NDUFAF7: variants seen among roughly 807,000 people sequenced by gnomAD.
NDUFAF7 encodes the protein NADH:ubiquinone oxidoreductase complex assembly factor 7.
In NDUFAF7, 48 loss-of-function variants were observed where a neutral mutation model predicts 47.2. The observed-to-expected ratio is 1.02, with a 90% confidence interval of 0.81 to 1.29. The LOEUF (loss-of-function observed/expected upper bound fraction) is 1.29, where lower values mean the gene tolerates loss of function less well. NDUFAF7 is among the 50% of genes most tolerant of loss of function. The probability of loss-of-function intolerance (pLI) is 0.00; values close to 1 mark genes in which losing one functional copy is unlikely to be tolerated. For missense variants in NDUFAF7, 635 were observed against 537.6 expected, an observed-to-expected ratio of 1.18 and a Z score of -1.79; for synonymous variants, 217 against 190.0, an observed-to-expected ratio of 1.14 and a Z score of -1.17.
intron 3 of NDUFAF7, 61 bp downstream of exon 3, chr2:37,236,237 G>T: frequency 7.4e-7 from 1 of 1,354,122 alleles, no homozygotes; most frequent in East Asian, 2.3e-5. Context: ...AGATCAAATT[G>T]TATTATTCTG....
downstream of NDUFAF7, chr2:37,254,117 G>A (rs926822716): frequency 1.1e-6 from 1 of 937,990 alleles, no homozygotes; most frequent in Non-Finnish European, 1.7e-6. Context: ...TTATTCTGCT[G>A]ATCTTAGAGT....
chr2:37,233,347 GGGCC>G (rs1354932456), intron 2 of NDUFAF7, among the ~76,000 whole-genome samples: 1 of 152,226 alleles, frequency 6.6e-6, no homozygotes, highest in African/African-American at 2.4e-5. Flanking sequence ...CTGGCGTTCA[GGGCC>G]GGACGTGGCG....
downstream of NDUFAF7, among the ~76,000 whole-genome samples, chr2:37,254,882 G>A (rs546702370): frequency 6.6e-6 from 1 of 152,294 alleles, no homozygotes; most frequent in Admixed American, 6.5e-5. Context: ...GTGTTTTAGT[G>A]TACATGGTGA....
chr2:37,251,422 T>C (rs1667482068), downstream of NDUFAF7: 1 of 152,568 alleles, frequency 6.6e-6, no homozygotes, highest in Admixed American at 6.6e-5. Context: ...AGTTTTCTTA[T>C]CTTTAAGATG....
chr2:37,233,187 G>C (rs905172419), intron 2 of NDUFAF7, among the ~76,000 whole-genome samples: 2 of 152,206 alleles, frequency 1.3e-5, no homozygotes, highest in Non-Finnish European at 2.9e-5. Context: ...GTTGGGTGAT[G>C]ATGGTACCTT....
chr2:37,259,838 T>C, the NDUFAF7 span, among the ~76,000 whole-genome samples: 1 of 152,318 alleles, frequency 6.6e-6, no homozygotes, highest in Non-Finnish European at 1.5e-5. Context: ...ATTCCCACAA[T>C]CACCCAACAT....
chr2:37,258,365 TTTG>T (rs1471098097), downstream of NDUFAF7, among the ~76,000 whole-genome samples: 1 of 152,218 alleles, frequency 6.6e-6, no homozygotes, highest in East Asian at 1.9e-4. Flanking sequence ...AAACTCTTTT[TTTG>T]TTGTTAAATG....
downstream of NDUFAF7, chr2:37,253,158 AT>A: frequency 2.5e-6 from 4 of 1,574,936 alleles, no homozygotes; most frequent in South Asian, 4.6e-5. Context: ...ATCCTTCCTT[AT>A]TTAGGTTAGC....
At chr2:37,262,640 G>A in the NDUFAF7 span, among the ~76,000 whole-genome samples, 4 of 151,946 alleles carry the variant, frequency 2.6e-5, no homozygotes, top group South Asian at 2.1e-4. Flanking sequence ...GTTGAAATGT[G>A]ACTGTTTTGC....
chr2:37,249,929 G>T (rs1374121035), downstream of NDUFAF7, among the ~76,000 whole-genome samples: 3 of 151,692 alleles, frequency 2.0e-5, no homozygotes, highest in Non-Finnish European at 2.9e-5. Flanking sequence ...GCTTCTGCTT[G>T]ACAGGAGTAG....
At chr2:37,250,353 A>G (rs894632490), downstream of NDUFAF7, 8 of 152,146 alleles carry the variant, frequency 5.3e-5, no homozygotes, top group African/African-American at 1.4e-4. Context: ...GAGTCAGGCA[A>G]TGCCTTATAT....
At chr2:37,269,380 G>C in the NDUFAF7 span, 1 of 509,064 alleles carries the variant, frequency 2.0e-6, no homozygotes, top group South Asian at 2.3e-5. Context: ...GCTACAAGAA[G>C]AGATAAAACA....
downstream of NDUFAF7, chr2:37,253,184 T>A: frequency 6.2e-7 from 1 of 1,600,226 alleles, no homozygotes; most frequent in Non-Finnish European, 8.5e-7. Context: ...TGATTAAGGA[T>A]CTTCTTCCAT....
At chr2:37,254,969 C>G (rs1377982346), downstream of NDUFAF7, among the ~76,000 whole-genome samples, 3 of 152,312 alleles carry the variant, frequency 2.0e-5, no homozygotes, top group East Asian at 5.8e-4. Context: ...TAACTACATA[C>G]TAACTACAGC....
chr2:37,260,330 G>C, the NDUFAF7 span: 1 of 1,609,788 alleles, frequency 6.2e-7, no homozygotes, highest in Middle Eastern at 1.7e-4. Context: ...ACAAAGACTC[G>C]TTCTGGGGTT....
chr2:37,251,336 G>C (rs1049696433), downstream of NDUFAF7: 2 of 152,570 alleles, frequency 1.3e-5, no homozygotes, highest in African/African-American at 4.8e-5. Flanking sequence ...CTAAGGGTAA[G>C]ATTAGAGCCA....
chr2:37,246,737 A>G (rs1666952209), intron 8 of NDUFAF7, among the ~76,000 whole-genome samples: 1 of 150,572 alleles, frequency 6.6e-6, no homozygotes, highest in Non-Finnish European at 1.5e-5. Context: ...GTCATTTTCT[A>G]GGTCTGTGGT....
chr2:37,240,962 C>T (rs1666275886), intron 4 of NDUFAF7, among the ~76,000 whole-genome samples: 1 of 152,076 alleles, frequency 6.6e-6, no homozygotes, highest in South Asian at 2.1e-4. Flanking sequence ...AGGCAGATCA[C>T]CAGTAGAAAT....
Position 37,247,578 on chromosome 2 carries a change from A to G in NDUFAF7, c.1059A>G (p.Pro353=). ...AGGGAAAAGTAGCCTCTCTGGGCCCAATAAAACAACACACATTTTTAAAAA... is the reference window on the plus strand; with the variant it reads ...AGGGAAAAGTAGCCTCTCTGGGCCCGATAAAACAACACACATTTTTAAAAA... ...MAQGKVASLG[P]IKQHTFLKNM... Residue 353 remains proline, a synonymous_variant, in exon 9 of 10, where the codon CCA becomes CCG. Transcript: ENST00000002125. 3 of 1,614,118 alleles carry G rather than the reference A, an allele frequency of 1.9e-6. No individual in the cohort carries two copies. Among genetic ancestry groups the G allele is most frequent in the Non-Finnish European group, 2.5e-6 (3 of 1,179,982 alleles).
Sources: gnomAD v4.1 joint callset for allele counts (sites outside exome capture counted in the v4.1 genomes callset) on GRCh38, gnomAD v4.1.1 for gene constraint, MANE v1.5 for transcripts, NCBI Gene and HGNC (gene_info 2026-07-23, HGNC 2026-07-21) for gene names.